TMEM132D: variants seen among roughly 807,000 people sequenced by gnomAD.
TMEM132D encodes the protein transmembrane protein 132D.
Under a neutral mutation model 62.3 loss-of-function variants are expected in TMEM132D, and 21 were observed. That is an observed-to-expected ratio of 0.34 (90% CI 0.24 to 0.49). The LOEUF (loss-of-function observed/expected upper bound fraction) is 0.49. TMEM132D is among the 20% of genes least tolerant of loss of function. The pLI is 0.99. For missense variants in TMEM132D, 1,346 were observed against 1,402.8 expected, an observed-to-expected ratio of 0.96 and a Z score of 0.65; for synonymous variants, 621 against 575.6, an observed-to-expected ratio of 1.08 and a Z score of -1.13.
intron 2 of TMEM132D, among the ~76,000 whole-genome samples, chr12:129,629,669 T>TA (rs111273764): frequency 0.28 from 40,857 of 145,214 alleles, 5,889 homozygotes; most frequent in East Asian, 0.39. Flanking sequence ...TGCCTAATAA[T>TA]AAAAAAAAAA....
At chr12:129,777,292 C>T (rs151251544) in intron 1 of TMEM132D, among the ~76,000 whole-genome samples, 3 of 152,288 alleles carry the variant, frequency 2.0e-5, no homozygotes, top group East Asian at 1.9e-4. Context: ...CAGCCCTACT[C>T]GTTGTCAAGA....
At chr12:129,525,060 G>C (rs1397869347) in intron 3 of TMEM132D, among the ~76,000 whole-genome samples, 1 of 148,312 alleles carries the variant, frequency 6.7e-6, no homozygotes, top group African/African-American at 2.5e-5. Flanking sequence ...TGTGTAGCTG[G>C]GACTACAGGC....
At chr12:129,622,847 G>T (rs1192637833) in intron 2 of TMEM132D, among the ~76,000 whole-genome samples, 3 of 152,266 alleles carry the variant, frequency 2.0e-5, no homozygotes, top group Admixed American at 2.0e-4. Context: ...GTTCATACAT[G>T]GGCAAATGAG....
intron 3 of TMEM132D, among the ~76,000 whole-genome samples, chr12:129,475,036 A>G (rs534481827): frequency 1.3e-5 from 2 of 152,352 alleles, no homozygotes; most frequent in East Asian, 3.9e-4. Flanking sequence ...GTCCTACCGA[A>G]GCTTGAACTT....
intron 5 of TMEM132D, among the ~76,000 whole-genome samples, chr12:129,092,604 A>T (rs1874963346): frequency 6.6e-6 from 1 of 152,190 alleles, no homozygotes; most frequent in African/African-American, 2.4e-5. Context: ...CTGAGGAAGG[A>T]GAATCGCTTG....
intron 2 of TMEM132D, among the ~76,000 whole-genome samples, chr12:129,630,199 G>A (rs1391066966): frequency 6.6e-6 from 1 of 152,172 alleles, no homozygotes; most frequent in Non-Finnish European, 1.5e-5. Context: ...TCATTTATAA[G>A]AGCTCCAGTA....
intron 5 of TMEM132D, among the ~76,000 whole-genome samples, chr12:129,116,735 C>G (rs1288420011): frequency 6.6e-6 from 1 of 151,932 alleles, no homozygotes; most frequent in Non-Finnish European, 1.5e-5. Context: ...AAAATACTGA[C>G]AACACAAAAT....
intron 5 of TMEM132D, chr12:129,085,076 G>C: frequency 3.0e-6 from 1 of 331,040 alleles, no homozygotes; most frequent in Non-Finnish European, 5.4e-6. Flanking sequence ...TGCTCACCCC[G>C]CTTCTCTGCC....
chr12:129,788,049 C>A (rs983802869), intron 1 of TMEM132D, among the ~76,000 whole-genome samples: 1 of 152,182 alleles, frequency 6.6e-6, no homozygotes, highest in African/African-American at 2.4e-5. Context: ...CCCAACCACT[C>A]GGGGCACAGG....
intron 3 of TMEM132D, among the ~76,000 whole-genome samples, chr12:129,525,928 C>A (rs1239318435): frequency 6.6e-6 from 1 of 152,144 alleles, no homozygotes; most frequent in Non-Finnish European, 1.5e-5. Context: ...AAAGTCACGC[C>A]ATTTTGATGA....
chr12:129,503,175 C>T lies in TMEM132D; in HGVS notation c.1115+27884G>A, dbSNP rs186914327. On this transcript the variant is annotated intron_variant, in intron 3 of 8. Transcript: ENST00000422113. ...GTTACAGCTGACAAACCTGTACTTC[C>T]TTCCAGGTCACAGAGGCTAAGTCAA... Among the ~76,000 whole-genome samples, 15 of 152,294 alleles carry T rather than the reference C, an allele frequency of 9.8e-5. No individual in the cohort carries two copies. In the South Asian group the frequency reaches 1.7e-3, roughly 17 times the overall value.
At chr12:129,776,221 A>G (rs961164355) in intron 1 of TMEM132D, among the ~76,000 whole-genome samples, 1 of 152,150 alleles carries the variant, frequency 6.6e-6, no homozygotes, top group Admixed American at 6.5e-5. Context: ...CATGATGCCA[A>G]TTGCTCCATA....
At chr12:129,647,666 T>A (rs772117474) in intron 2 of TMEM132D, among the ~76,000 whole-genome samples, 3 of 152,268 alleles carry the variant, frequency 2.0e-5, no homozygotes, top group Non-Finnish European at 2.9e-5. Flanking sequence ...CCCTGATTAC[T>A]GGAGACATTG....
intron 1 of TMEM132D, among the ~76,000 whole-genome samples, chr12:129,859,658 G>C (rs935243934): frequency 1.3e-5 from 2 of 152,214 alleles, no homozygotes; most frequent in African/African-American, 4.8e-5. Context: ...AGCAGGCAAA[G>C]AGGGTGGGAT....
chr12:129,557,907 T>C (rs772041068), intron 2 of TMEM132D, among the ~76,000 whole-genome samples: 1 of 152,168 alleles, frequency 6.6e-6, no homozygotes. Flanking sequence ...AAGTTCTACA[T>C]TGAGATTTCC....
intron 3 of TMEM132D, among the ~76,000 whole-genome samples, chr12:129,347,176 T>C (rs970822325): frequency 1.3e-5 from 2 of 152,110 alleles, no homozygotes; most frequent in African/African-American, 2.4e-5. Flanking sequence ...CAAGCTACCA[T>C]TGACTTTCTT....
chr12:129,185,591 T>C (rs1878196922), intron 5 of TMEM132D, among the ~76,000 whole-genome samples: 1 of 152,072 alleles, frequency 6.6e-6, no homozygotes, highest in Non-Finnish European at 1.5e-5. Flanking sequence ...TATTTTCATC[T>C]GACCTACAGA....
At chr12:129,387,454 G>C (rs75069867) in intron 3 of TMEM132D, among the ~76,000 whole-genome samples, 1 of 121,844 alleles carries the variant, frequency 8.2e-6, no homozygotes, top group African/African-American at 3.7e-5. Flanking sequence ...AACACTAACA[G>C]TAATACTATG....
chr12:129,664,240 A>G (rs571548028), intron 2 of TMEM132D, among the ~76,000 whole-genome samples: 105 of 152,304 alleles, frequency 6.9e-4, no homozygotes, highest in African/African-American at 2.3e-3. Flanking sequence ...CCAAGCCTAC[A>G]GCTCAGGCCA....
Sources: allele counts gnomAD v4.1 joint callset (sites outside exome capture counted in the v4.1 genomes callset), GRCh38; gene constraint gnomAD v4.1.1; transcripts MANE v1.5; gene names NCBI Gene and HGNC (gene_info 2026-07-23, HGNC 2026-07-21).